Variants in HCRTR2 observed in about 807,000 individuals in gnomAD.
The protein encoded by HCRTR2 is orexin receptor type 2.
Under a neutral mutation model 49.0 loss-of-function variants are expected in HCRTR2, and 22 were observed. The ratio of observed to expected loss-of-function variants is 0.45; its 90% CI spans 0.32 to 0.64. HCRTR2 has a LOEUF of 0.64. HCRTR2 is among the 30% of genes least tolerant of loss of function. The pLI, the probability that HCRTR2 is intolerant of heterozygous loss-of-function variation, is 0.04. For missense variants in HCRTR2, 491 were observed against 559.4 expected, an observed-to-expected ratio of 0.88 and a Z score of 1.23; for synonymous variants, 236 against 205.3, an observed-to-expected ratio of 1.15 and a Z score of -1.28.
chr6:55,117,433 T>C (rs1475508742), intron 1 of HCRTR2, among the ~76,000 whole-genome samples: 1 of 151,718 alleles, frequency 6.6e-6, no homozygotes, highest in Non-Finnish European at 1.5e-5. Flanking sequence ...GTTTTTTTAC[T>C]GATACACAAT....
intron 1 of HCRTR2, among the ~76,000 whole-genome samples, chr6:55,136,655 G>A (rs759088878): frequency 3.3e-5 from 5 of 152,164 alleles, no homozygotes; most frequent in African/African-American, 4.8e-5. Flanking sequence ...ACTTACCCAA[G>A]TTGATAAAGC....
At chr6:55,264,048 A>C (rs1286973859) in intron 4 of HCRTR2, 2 of 474,666 alleles carry the variant, frequency 4.2e-6, no homozygotes, top group Non-Finnish European at 7.5e-6. Context: ...TTTTTAGAGT[A>C]ATATTCAGGA....
intron 1 of HCRTR2, among the ~76,000 whole-genome samples, chr6:55,123,158 A>G (rs1484335618): frequency 6.6e-6 from 1 of 151,628 alleles, no homozygotes; most frequent in African/African-American, 2.4e-5. Flanking sequence ...AATAAAAATT[A>G]AAAGTTAAAA....
intron 3 of HCRTR2, among the ~76,000 whole-genome samples, chr6:55,259,312 A>G (rs1389794169): frequency 1.3e-5 from 2 of 152,124 alleles, no homozygotes; most frequent in Non-Finnish European, 2.9e-5. Context: ...ATATGTGTAT[A>G]AGTCTATTAA....
At chr6:55,281,457 A>C (rs1190367569) in intron 6 of HCRTR2, among the ~76,000 whole-genome samples, 2 of 152,216 alleles carry the variant, frequency 1.3e-5, no homozygotes, top group Admixed American at 1.3e-4. Flanking sequence ...AGTGAGTTAG[A>C]GGAGGCAACT....
chr6:55,246,135 C>T (rs1362607553), intron 1 of HCRTR2, among the ~76,000 whole-genome samples: 1 of 152,020 alleles, frequency 6.6e-6, no homozygotes, highest in Non-Finnish European at 1.5e-5. Context: ...CTAAGAAGAA[C>T]TTTACTACAG....
Position 55,244,102 on chromosome 6 carries a change from G to T in HCRTR2, c.224-4537G>T, listed in dbSNP as rs183279244. Among the ~76,000 whole-genome samples, 355 of 152,096 alleles carry T rather than the reference G, an allele frequency of 2.3e-3. 4 individuals carry two copies. The highest frequency in any genetic ancestry group is 8.2e-3 in the African/African-American group (339 of 41,540). ...AGTGAAATATCAGATTCACTCTGATGCTCTGTGTATTTTACGGGAAACATT... is the reference window on the plus strand; with the variant it reads ...AGTGAAATATCAGATTCACTCTGATTCTCTGTGTATTTTACGGGAAACATT... On this transcript the variant is annotated intron_variant, in intron 1 of 6. Transcript: ENST00000370862.
At chr6:55,240,017 T>TC (rs1284660648) in intron 1 of HCRTR2, among the ~76,000 whole-genome samples, 1 of 151,646 alleles carries the variant, frequency 6.6e-6, no homozygotes, top group African/African-American at 2.4e-5. Context: ...CCGCGGGTGA[T>TC]CCCCCCGCCT....
chr6:55,253,659 T>C (rs1428708278), intron 2 of HCRTR2, among the ~76,000 whole-genome samples: 1 of 152,146 alleles, frequency 6.6e-6, no homozygotes, highest in Admixed American at 6.6e-5. Context: ...TGGATAAAGA[T>C]AATGTGGTAC....
At chr6:55,245,412 CAT>C (rs1766415581) in intron 1 of HCRTR2, among the ~76,000 whole-genome samples, 1 of 139,404 alleles carries the variant, frequency 7.2e-6, no homozygotes, top group African/African-American at 2.7e-5. Context: ...CACACACACA[CAT>C]AGGAATACAT....
At chr6:55,117,650 A>G (rs12207088) in intron 1 of HCRTR2, among the ~76,000 whole-genome samples, 42,469 of 151,276 alleles carry the variant, frequency 0.28, 6,717 homozygotes, top group Non-Finnish European at 0.36. Flanking sequence ...TTACAGAGCA[A>G]TTGCACCTGT....
rs115636114 is a variant in HCRTR2 at position 55,260,610 on chromosome 6, C to T, written c.647-3097C>T. 4.4e-4 allele frequency among the ~76,000 whole-genome samples: 67 copies of T among 152,174 alleles called. 1 individual carries two copies. The highest frequency in any genetic ancestry group is 1.5e-3 in the African/African-American group (64 of 41,526). On this transcript the variant is annotated intron_variant, in intron 3 of 6. Transcript: ENST00000370862. The stretch of plus-strand genomic sequence containing the variant: ...CCTGCCAACACATGCATCCTACTGA[C>T]CCTGCTGAAGACTGCAGCGGATAAA...
At chr6:55,141,883 T>G (rs901774364) in intron 1 of HCRTR2, among the ~76,000 whole-genome samples, 1 of 152,120 alleles carries the variant, frequency 6.6e-6, no homozygotes, top group Non-Finnish European at 1.5e-5. Flanking sequence ...GTAAAAGCTA[T>G]AGAAACCCAT....
intron 1 of HCRTR2, among the ~76,000 whole-genome samples, chr6:55,193,459 T>A (rs1765355475): frequency 6.6e-6 from 1 of 151,912 alleles, no homozygotes; most frequent in Non-Finnish European, 1.5e-5. Flanking sequence ...TTTGCTACCT[T>A]CAGTTTTTAT....
intron 1 of HCRTR2, among the ~76,000 whole-genome samples, chr6:55,206,057 T>C (rs979149163): frequency 6.6e-6 from 1 of 151,958 alleles, no homozygotes; most frequent in African/African-American, 2.4e-5. Context: ...TTTTATTTGT[T>C]GAAATCATTC....
chr6:55,252,436 G>T (rs760175326), intron 2 of HCRTR2, among the ~76,000 whole-genome samples: 1 of 152,078 alleles, frequency 6.6e-6, no homozygotes, highest in Non-Finnish European at 1.5e-5. Context: ...TGAACACTTT[G>T]TACTTCTAAT....
At chr6:55,182,038 C>G (rs571218229) in intron 1 of HCRTR2, among the ~76,000 whole-genome samples, 2 of 152,204 alleles carry the variant, frequency 1.3e-5, no homozygotes, top group African/African-American at 2.4e-5. Context: ...GCCATAGTAG[C>G]AAACAAACCC....
intron 1 of HCRTR2, among the ~76,000 whole-genome samples, chr6:55,193,045 A>G (rs1236353726): frequency 2.0e-5 from 3 of 152,314 alleles, no homozygotes; most frequent in African/African-American, 7.2e-5. Flanking sequence ...GGGGTGTCCT[A>G]CTATTGAATA....
chr6:55,258,000 G>T (rs768811801), intron 3 of HCRTR2, among the ~76,000 whole-genome samples: 9 of 151,916 alleles, frequency 5.9e-5, no homozygotes, highest in Non-Finnish European at 1.2e-4. Context: ...TATTTATTAT[G>T]ATGATTTCTA....
Sources: gnomAD v4.1 joint callset for allele counts (sites outside exome capture counted in the v4.1 genomes callset) on GRCh38, gnomAD v4.1.1 for gene constraint, MANE v1.5 for transcripts, NCBI Gene and HGNC (gene_info 2026-07-23, HGNC 2026-07-21) for gene names.